The following PHGDH variants were observed in gnomAD, a reference collection of about 807,000 sequenced individuals.
PHGDH encodes D-3-phosphoglycerate dehydrogenase.
A neutral mutation model predicts 52.6 loss-of-function variants in PHGDH; 50 were observed. That is an observed-to-expected ratio of 0.95 (90% confidence interval 0.76 to 1.20). PHGDH has a LOEUF of 1.20. Ranked by LOEUF, PHGDH falls within the 50% of genes most tolerant of loss-of-function variation. The pLI is 0.00. For missense variants in PHGDH, 630 were observed against 684.6 expected, an observed-to-expected ratio of 0.92 and a Z score of 0.89; for synonymous variants, 271 against 280.5, an observed-to-expected ratio of 0.97 and a Z score of 0.34.
chr1:119,717,124 C>T (rs1038074101), intron 1 of PHGDH, among the ~76,000 whole-genome samples: 4 of 145,416 alleles, frequency 2.8e-5, no homozygotes, highest in Non-Finnish European at 6.0e-5. Flanking sequence ...CCCAGCTACT[C>T]GGGAGGCTGA....
In PHGDH at chr1:119,726,834, T is replaced by C. The variant is rs76447100; in HGVS notation, c.357-17T>C. 1.5e-3 allele frequency: 2,363 copies of C among 1,611,976 alleles called. 34 individuals are homozygous for C. The African/African-American group carries it at 0.028, about 19-fold the overall frequency. On this transcript the variant is annotated splice_polypyrimidine_tract_variant and intron_variant, in intron 3 of 11. Transcript: ENST00000641023. ...GGAGTCCGAATGGACCCTCTGAACC[T>C]GTGTCTATCCTTGCAGGCAGATTCC... is the stretch of plus-strand genomic sequence containing the variant.
intron 5 of PHGDH, 26 bp downstream of exon 5, chr1:119,727,128 T>C: frequency 7.2e-7 from 1 of 1,386,772 alleles, no homozygotes; most frequent in Non-Finnish European, 1.0e-6. Context: ...AACCCTGTGA[T>C]GTGGGACTTT....
intron 5 of PHGDH, among the ~76,000 whole-genome samples, chr1:119,731,684 A>T (rs191134922): frequency 1.3e-5 from 2 of 152,334 alleles, no homozygotes. Context: ...AGGTTCTATG[A>T]TATGCTGAAG....
chr1:119,722,580 A>AC (rs1220644196), intron 2 of PHGDH, among the ~76,000 whole-genome samples: 8 of 152,066 alleles, frequency 5.3e-5, no homozygotes, highest in African/African-American at 1.9e-4. Context: ...GGTGGAGATT[A>AC]CTAATAAAAG....
At chr1:119,740,195 C>G in intron 8 of PHGDH, 191 bp from the exon 9 acceptor site, 2 of 610,016 alleles carry the variant, frequency 3.3e-6, no homozygotes, top group South Asian at 3.8e-5. Context: ...GGCTCCACAG[C>G]TTTCTTCATT....
intron 1 of PHGDH, 135 bp from the exon 2 acceptor site, chr1:119,721,035 T>C (rs2101154240): frequency 3.6e-6 from 3 of 834,580 alleles, no homozygotes; most frequent in Non-Finnish European, 4.2e-6. Context: ...AAGATATCTA[T>C]GAACTGGCAG....
In PHGDH at chr1:119,742,834, C is replaced by T. The variant is rs1402197720; in HGVS notation, c.1237C>T (p.Pro413Ser). 6.2e-7 allele frequency: 1 copy of T among 1,612,552 alleles called. No homozygotes were observed. Among genetic ancestry groups the T allele is most frequent in the Non-Finnish European group, 8.5e-7 (1 of 1,179,000 alleles). The part of the protein sequence containing the change: ...NVTTSHSPAA[P>S]GEQGFGECLL... The stretch of plus-strand genomic sequence containing the variant: ...CACCACCTCCCACAGCCCTGCTGCA[C>T]CAGGGGAGCAAGGCTTCGGGGAATG... Residue 413 changes from proline to serine, a missense_variant, in exon 11 of 12, where the codon CCA becomes TCA. By Grantham distance (74) the Pro-to-Ser change is moderately conservative (BLOSUM62 -1). Coordinates refer to ENST00000641023, the MANE Select transcript of PHGDH (RefSeq NM_006623.4).
At position 119,727,027 on chromosome 1, in the gene PHGDH, A is replaced by G; in HGVS notation, c.435A>G (p.Gly145=). ...AGTTCATGGGAACAGAGCTGAATGG[A>G]AAGACCCTGGGAATTCTTGGCCTGG... ...RKKFMGTELN[G]KTLGILGLGR... The change falls in exon 5 of 12, where the codon GGA becomes GGG. Residue 145 remains glycine (G), a synonymous_variant. Coordinates refer to ENST00000641023, the MANE Select transcript of PHGDH (RefSeq NM_006623.4). 6.2e-7 allele frequency: 1 copy of G among 1,613,756 alleles called. No homozygotes were observed. The highest frequency in any genetic ancestry group is 8.5e-7 in the Non-Finnish European group (1 of 1,179,624).
intron 5 of PHGDH, among the ~76,000 whole-genome samples, chr1:119,732,117 G>A (rs1479656403): frequency 2.0e-5 from 3 of 152,242 alleles, no homozygotes; most frequent in East Asian, 1.9e-4. Flanking sequence ...CAGCTGTGGG[G>A]CAGAGAGAGC....
At chr1:119,733,256 C>G (rs1237078063) in intron 5 of PHGDH, among the ~76,000 whole-genome samples, 10 of 152,176 alleles carry the variant, frequency 6.6e-5, no homozygotes, top group African/African-American at 1.7e-4. Flanking sequence ...CCAGAGGCTT[C>G]ACCTTAATCA....
chr1:119,730,269 G>A (rs1416012195), intron 5 of PHGDH, among the ~76,000 whole-genome samples: 1 of 152,168 alleles, frequency 6.6e-6, no homozygotes, highest in Non-Finnish European at 1.5e-5. Flanking sequence ...TTTCATACTA[G>A]CCTCATCCTC....
chr1:119,715,270 C>T lies in PHGDH; in HGVS notation c.138+3110C>T, dbSNP rs117460559. ...CTGGTCAGGACCACTAAACTAAACA[C>T]TGGTAATGGTATTTAATTTACTGAA... On this transcript the variant is annotated intron_variant, in intron 1 of 11. Coordinates refer to ENST00000641023, the MANE Select transcript of PHGDH (RefSeq NM_006623.4). 3.3e-5 allele frequency among the ~76,000 whole-genome samples: 5 copies of T among 152,284 alleles called. No individual in the cohort carries two copies. In the East Asian group the frequency reaches 9.6e-4, roughly 29 times the overall value.
intron 10 of PHGDH, chr1:119,742,115 G>C (rs1324199517): frequency 1.7e-6 from 1 of 589,582 alleles, no homozygotes; most frequent in East Asian, 2.9e-5. Context: ...GAGTGCTGTG[G>C]GAATGGAGGC....
chr1:119,723,545 C>T (rs587646570), intron 3 of PHGDH, 104 bp downstream of exon 3: 16 of 900,686 alleles, frequency 1.8e-5, no homozygotes, highest in Middle Eastern at 2.1e-4. Context: ...TTCGTCTCAG[C>T]GACTTGCAGA....
chr1:119,734,222 CT>C (rs1651831478), intron 5 of PHGDH: 1 of 321,530 alleles, frequency 3.1e-6, no homozygotes, highest in African/African-American at 2.2e-5. Context: ...TCAGGACTCC[CT>C]GCTTTCTAAG....
intron 1 of PHGDH, chr1:119,715,999 G>C (rs1650916339): frequency 6.5e-6 from 1 of 152,728 alleles, no homozygotes; most frequent in South Asian, 2.1e-4. Context: ...CAAAGTCTTT[G>C]AAGGGGGTGC....
chr1:119,726,926 G>T, intron 4 of PHGDH, 21 bp downstream of exon 4: 2 of 1,612,890 alleles, frequency 1.2e-6, no homozygotes, highest in Non-Finnish European at 1.7e-6. Context: ...GCCTTGACTC[G>T]CCCCACCTGG....
chr1:119,740,562 G>A (rs746399010), intron 9 of PHGDH, 44 bp downstream of exon 9: 1 of 1,500,546 alleles, frequency 6.7e-7, no homozygotes, highest in Non-Finnish European at 9.1e-7. Context: ...AGGGGATGAG[G>A]GAGTGTGGGA....
At chr1:119,720,976 GT>G (rs1269507213) in intron 1 of PHGDH, 193 bp from the exon 2 acceptor site, 1 of 640,936 alleles carries the variant, frequency 1.6e-6, no homozygotes, top group Non-Finnish European at 2.9e-6. Context: ...TCCACTCTAA[GT>G]AAAAATCAGC....
Sources: allele counts gnomAD v4.1 joint callset (sites outside exome capture counted in the v4.1 genomes callset), GRCh38; gene constraint gnomAD v4.1.1; transcripts MANE v1.5; gene names NCBI Gene and HGNC (gene_info 2026-07-23, HGNC 2026-07-21).